The following NAA35 variants were observed in gnomAD, a reference collection of about 807,000 sequenced individuals.
NAA35 encodes the protein MAK10 homolog, amino-acid N-acetyltransferase subunit.
A neutral mutation model predicts 101.7 loss-of-function variants in NAA35; 18 were observed. The observed-to-expected ratio is 0.18, with a 90% CI of 0.12 to 0.26. NAA35 has a LOEUF of 0.26. Among genes scored for constraint, NAA35 ranks in the 10% least tolerant of loss-of-function variants. The pLI, the probability that NAA35 is intolerant of heterozygous loss-of-function variation, is 1.00. For synonymous variants in NAA35, 267 were observed against 273.1 expected (o/e 0.98, Z 0.22); for missense variants, 601 against 886.8 (o/e 0.68, Z 4.09).
rs141108464 is a variant in NAA35 at position 85,991,031 on chromosome 9, G to A, written c.878-5368G>A. ...GGATTCACTGCTTCTAAAGTGAGTG[G>A]AGAAGGGTATTTCCACAGGAGTGTA... On this transcript the variant is annotated intron_variant, in intron 11 of 22. Transcript: ENST00000361671. 1.6e-3 allele frequency among the ~76,000 whole-genome samples: 246 copies of A among 152,316 alleles called. 1 individual carries two copies. The highest frequency in any genetic ancestry group is 3.8e-3 in the African/African-American group (156 of 41,564).
rs1832738891 is a variant in NAA35 at position 86,025,316 on chromosome 9, T to G, written c.*3356T>G. ...ATTGCTGGCGACTGGGGCGAGCTCTTTCTTGAAGGGGTGGGGCAGAAGCTG... is the reference window on the plus strand; with the variant it reads ...ATTGCTGGCGACTGGGGCGAGCTCTGTCTTGAAGGGGTGGGGCAGAAGCTG... On this transcript the variant is annotated 3_prime_UTR_variant, in exon 23 of 23. Coordinates refer to ENST00000361671, the MANE Select transcript of NAA35 (RefSeq NM_024635.4). Among the ~76,000 whole-genome samples the G allele has an allele frequency of 6.6e-6, 1 of 152,082 alleles. No homozygotes were observed. The highest frequency in any genetic ancestry group is 6.5e-5 in the Admixed American group (1 of 15,268).
In NAA35 at chr9:86,016,819, A is replaced by C. The variant is rs182896556; in HGVS notation, c.1705+144A>C. The C allele has an allele frequency of 2.0e-3, 1,471 of 732,662 alleles. 42 individuals carry two copies. In the South Asian group the frequency reaches 0.027, roughly 13 times the overall value. 45.4% of individuals were successfully genotyped at this position (732,662 alleles called of 1,614,324 possible). On this transcript the variant is annotated intron_variant, in intron 18 of 22. Coordinates refer to ENST00000361671, the MANE Select transcript of NAA35 (RefSeq NM_024635.4). ...AACTATAAGGTAGAGACTGAGTCCCAGTATCAATGACATAAGCTTTTTGGT... is the reference window on the plus strand; with the variant it reads ...AACTATAAGGTAGAGACTGAGTCCCCGTATCAATGACATAAGCTTTTTGGT...
At chr9:86,016,705 C>A (rs1488120962) in intron 18 of NAA35, 30 bp downstream of exon 18, 6 of 1,595,814 alleles carry the variant, frequency 3.8e-6, no homozygotes, top group Non-Finnish European at 4.3e-6. Context: ...AACTTAAGAA[C>A]AGAGTGTACT....
intron 6 of NAA35, among the ~76,000 whole-genome samples, chr9:85,967,607 C>G (rs375178350): frequency 7.5e-4 from 114 of 152,122 alleles, no homozygotes; most frequent in African/African-American, 2.6e-3. Context: ...TCGAGACCAT[C>G]CTGGCTAACA....
intron 6 of NAA35, among the ~76,000 whole-genome samples, chr9:85,963,801 CAG>C (rs1726185143): frequency 6.6e-6 from 1 of 152,118 alleles, no homozygotes; most frequent in Admixed American, 6.5e-5. Context: ...CCTTGAACAA[CAG>C]TGTGTGAACA....
chr9:85,941,936 G>C, intron 1 of NAA35: 1 of 1,236,174 alleles, frequency 8.1e-7, no homozygotes, highest in Non-Finnish European at 1.0e-6. Flanking sequence ...ATGGGCCCTG[G>C]TAGGTGGTGG....
intron 12 of NAA35, among the ~76,000 whole-genome samples, chr9:85,998,073 C>T (rs945463322): frequency 5.3e-5 from 8 of 152,088 alleles, no homozygotes; most frequent in African/African-American, 1.7e-4. Flanking sequence ...CGCCACCACG[C>T]CCAGCTAATT....
rs1832112669 is a variant in NAA35, at chr9:86,014,640, T to TA, written c.1568+744dup. Reference sequence around the variant, plus strand: ...CTTTTAAACTTGTTTAAATTTTACCTAGTAATTAAGTTATTCTGTATTCTC... The same window carrying TA: ...CTTTTAAACTTGTTTAAATTTTACCTAAGTAATTAAGTTATTCTGTATTCTC... On this transcript the variant is annotated intron_variant, in intron 17 of 22. Transcript: ENST00000361671. Among the ~76,000 whole-genome samples the TA allele has an allele frequency of 2.0e-5, 3 of 152,212 alleles. No homozygotes were observed. In the South Asian group the frequency reaches 6.2e-4, roughly 31 times the overall value.
intron 1 of NAA35, chr9:85,941,593 G>T: frequency 1.0e-6 from 1 of 986,048 alleles, no homozygotes; most frequent in East Asian, 1.1e-4. Flanking sequence ...AGGGAAGCGT[G>T]TGCCCGCCTC....
chr9:85,970,838 G>A (rs1413782170), intron 6 of NAA35, among the ~76,000 whole-genome samples: 1 of 152,146 alleles, frequency 6.6e-6, no homozygotes, highest in Non-Finnish European at 1.5e-5. Context: ...GGAAGATTTT[G>A]TTTTTAGGAA....
At chr9:85,996,622 A>C in intron 12 of NAA35, 45 bp downstream of exon 12, 1 of 1,367,116 alleles carries the variant, frequency 7.3e-7, no homozygotes, top group Non-Finnish European at 9.9e-7. Flanking sequence ...CATTTAAAAA[A>C]AATTGATACA....
chr9:86,018,550 T>G lies in NAA35; in HGVS notation c.1915-149T>G, dbSNP rs536105021. On this transcript the variant is annotated intron_variant, in intron 20 of 22. Coordinates refer to ENST00000361671, the MANE Select transcript of NAA35 (RefSeq NM_024635.4). Reference sequence around the variant, plus strand: ...TGAGGGTTGAGAATTATATATTACCTAGGAAAAAATAGGGAGATGTGCTGA... The same window carrying G: ...TGAGGGTTGAGAATTATATATTACCGAGGAAAAAATAGGGAGATGTGCTGA... 18 of 1,294,862 alleles carry G rather than the reference T, an allele frequency of 1.4e-5. No homozygotes were observed. In the East Asian group the frequency reaches 4.4e-4, roughly 31 times the overall value. 80.2% of individuals were successfully genotyped at this position (1,294,862 alleles called of 1,614,324 possible).
At chr9:85,956,191 C>T (rs962829371) in intron 2 of NAA35, among the ~76,000 whole-genome samples, 169 bp from the exon 3 acceptor site, 3 of 152,114 alleles carry the variant, frequency 2.0e-5, no homozygotes, top group Non-Finnish European at 4.4e-5. Flanking sequence ...CACAAGTACT[C>T]ACTGTATAGA....
At chr9:86,017,699 A>G in intron 19 of NAA35, 134 bp downstream of exon 19, 1 of 724,950 alleles carries the variant, frequency 1.4e-6, no homozygotes. Context: ...CTTGAAGATT[A>G]CCTTTATTAT....
chr9:85,999,809 A>C (rs1224265046), intron 12 of NAA35, among the ~76,000 whole-genome samples: 3 of 152,276 alleles, frequency 2.0e-5, no homozygotes, highest in Non-Finnish European at 4.4e-5. Context: ...ATATTAAAAT[A>C]CATACATTAT....
intron 14 of NAA35, among the ~76,000 whole-genome samples, chr9:86,008,978 T>C (rs1442407998): frequency 2.6e-5 from 4 of 152,182 alleles, no homozygotes; most frequent in African/African-American, 9.7e-5. Context: ...GATTTTTCCT[T>C]TTTTAGAGCT....
intron 2 of NAA35, among the ~76,000 whole-genome samples, chr9:85,950,884 C>G (rs971081953): frequency 6.6e-6 from 1 of 152,030 alleles, no homozygotes. Context: ...CGCCTGTAAT[C>G]CTAGCACTTT....
At chr9:85,992,183 A>AT (rs1830946998) in intron 11 of NAA35, among the ~76,000 whole-genome samples, 1 of 148,778 alleles carries the variant, frequency 6.7e-6, no homozygotes, top group South Asian at 2.1e-4. Flanking sequence ...CAAAAAAAAA[A>AT]AAATAATAAA....
At chr9:85,985,180 C>G (rs1160732992) in intron 11 of NAA35, among the ~76,000 whole-genome samples, 3 of 152,022 alleles carry the variant, frequency 2.0e-5, no homozygotes, top group African/African-American at 7.3e-5. Flanking sequence ...AAACTGGAGC[C>G]CTAATACAGT....
Sources: allele counts gnomAD v4.1 joint callset (sites outside exome capture counted in the v4.1 genomes callset), GRCh38; gene constraint gnomAD v4.1.1; transcripts MANE v1.5; gene names NCBI Gene and HGNC (gene_info 2026-07-23, HGNC 2026-07-21).